ATP6V1H: variants seen among roughly 807,000 people sequenced by gnomAD.
ATP6V1H encodes ATPase H+ transporting V1 subunit H.
ATP6V1H carries 39 observed loss-of-function variants against 71.7 expected under a neutral mutation model. The observed-to-expected ratio is 0.54, with a 90% CI of 0.42 to 0.71. The LOEUF (loss-of-function observed/expected upper bound fraction) is 0.71, where lower values mean the gene tolerates loss of function less well. Ranked by LOEUF, ATP6V1H falls within the 30% of genes least tolerant of loss-of-function variation. The pLI is 0.00. For missense variants in ATP6V1H, 509 were observed against 594.9 expected (o/e 0.86, Z 1.50); for synonymous variants, 192 against 199.3 (o/e 0.96, Z 0.31).
At chr8:53,811,794 T>C (rs1810283105) in intron 6 of ATP6V1H, among the ~76,000 whole-genome samples, 2 of 152,210 alleles carry the variant, frequency 1.3e-5, no homozygotes, top group South Asian at 4.1e-4. Flanking sequence ...GTTAACTTTG[T>C]ATCATTCAAT....
chr8:53,725,790 C>T (rs1357507236), intron 13 of ATP6V1H, among the ~76,000 whole-genome samples: 4 of 151,948 alleles, frequency 2.6e-5, no homozygotes, highest in Non-Finnish European at 5.9e-5. Context: ...CAGACAAAAA[C>T]AGCTGGGAGA....
chr8:53,768,319 T>C (rs1387988479), intron 11 of ATP6V1H, among the ~76,000 whole-genome samples: 1 of 152,144 alleles, frequency 6.6e-6, no homozygotes, highest in Non-Finnish European at 1.5e-5. Context: ...ATCAGAACCC[T>C]CATTCACTGT....
intron 13 of ATP6V1H, among the ~76,000 whole-genome samples, chr8:53,733,646 G>A (rs1417584033): frequency 4.6e-5 from 7 of 152,180 alleles, no homozygotes; most frequent in Admixed American, 6.5e-5. Flanking sequence ...GCAACCTACC[G>A]GAGCCTAAGA....
chr8:53,772,915 A>C (rs1482164179), intron 9 of ATP6V1H, among the ~76,000 whole-genome samples: 3 of 151,552 alleles, frequency 2.0e-5, no homozygotes, highest in Non-Finnish European at 2.9e-5. Flanking sequence ...AAAAAAAAAA[A>C]AAAAAAACAA....
chr8:53,806,443 A>AG (rs1307376288), intron 7 of ATP6V1H, among the ~76,000 whole-genome samples: 1 of 152,060 alleles, frequency 6.6e-6, no homozygotes. Flanking sequence ...AGATAGTTTC[A>AG]CCAAAAAAAA....
intron 13 of ATP6V1H, among the ~76,000 whole-genome samples, chr8:53,716,936 G>C (rs1806445300): frequency 6.6e-6 from 1 of 152,240 alleles, no homozygotes; most frequent in Admixed American, 6.5e-5. Context: ...AAAAAAGCAT[G>C]AGTTTTGGAA....
At chr8:53,799,298 G>A (rs1320935597) in intron 8 of ATP6V1H, among the ~76,000 whole-genome samples, 1 of 151,896 alleles carries the variant, frequency 6.6e-6, no homozygotes, top group Non-Finnish European at 1.5e-5. Flanking sequence ...ATTATACTAA[G>A]AAATCAAAGA....
rs1281489988 is a variant in ATP6V1H, at chr8:53,777,426, G to T, written c.871-5259C>A. On this transcript the variant is annotated intron_variant, in intron 9 of 13. Coordinates refer to ENST00000359530, the MANE Select transcript of ATP6V1H (RefSeq NM_015941.4). ...TTGCTGAGAGAGAGCATTAAAAAAAGAGAGAGAAAAATAAAGGAGAGAGGT... is the reference window on the plus strand; with the variant it reads ...TTGCTGAGAGAGAGCATTAAAAAAATAGAGAGAAAAATAAAGGAGAGAGGT... Among the ~76,000 whole-genome samples, 8 of 151,674 alleles carry T rather than the reference G, an allele frequency of 5.3e-5. 1 individual carries two copies. In the South Asian group the frequency reaches 8.3e-4, roughly 16 times the overall value.
intron 4 of ATP6V1H, among the ~76,000 whole-genome samples, chr8:53,826,951 CA>C (rs112178508): frequency 6.0e-4 from 70 of 116,880 alleles, no homozygotes; most frequent in East Asian, 7.7e-4. Context: ...AATTCTGTCT[CA>C]AAAAAAAAAA....
chr8:53,771,767 G>A (rs886083477), intron 10 of ATP6V1H, among the ~76,000 whole-genome samples: 10 of 152,076 alleles, frequency 6.6e-5, no homozygotes, highest in African/African-American at 2.4e-4. Flanking sequence ...GAGTTTAGAC[G>A]GCAGAAAACA....
chr8:53,830,645 G>A lies in ATP6V1H; in HGVS notation c.217-1112C>T, dbSNP rs558218500. ...ATTTTGTTTGGATAAAAAGCTTCCT[G>A]GCAACTGCCCCATAAAAGGCCCATC... On this transcript the variant is annotated intron_variant, in intron 3 of 13. Coordinates refer to ENST00000359530, the MANE Select transcript of ATP6V1H (RefSeq NM_015941.4). Among the ~76,000 whole-genome samples the A allele has an allele frequency of 3.3e-4, 50 of 151,982 alleles. 1 individual carries two copies. The highest frequency in any genetic ancestry group is 1.1e-3 in the African/African-American group (47 of 41,454).
chr8:53,809,894 C>G (rs1473685985), intron 7 of ATP6V1H, among the ~76,000 whole-genome samples: 7 of 152,176 alleles, frequency 4.6e-5, no homozygotes, highest in African/African-American at 1.7e-4. Context: ...GATCGCGTAT[C>G]TAGTTCTATA....
intron 13 of ATP6V1H, among the ~76,000 whole-genome samples, chr8:53,732,765 G>A (rs1414710317): frequency 1.3e-5 from 2 of 152,016 alleles, no homozygotes; most frequent in Non-Finnish European, 2.9e-5. Flanking sequence ...TTTTGCAGGA[G>A]CCGCCAGAGG....
At chr8:53,767,212 G>T (rs1394279428) in intron 11 of ATP6V1H, among the ~76,000 whole-genome samples, 2 of 152,162 alleles carry the variant, frequency 1.3e-5, no homozygotes, top group Non-Finnish European at 2.9e-5. Context: ...TGCAAACTAT[G>T]TATGAATTTT....
chr8:53,731,651 C>T (rs869167550), intron 13 of ATP6V1H, among the ~76,000 whole-genome samples: 8 of 152,180 alleles, frequency 5.3e-5, no homozygotes, highest in African/African-American at 9.7e-5. Context: ...GGTTTTGGGA[C>T]GCAAGTCTGC....
At chr8:53,732,738 A>G (rs949610725) in intron 13 of ATP6V1H, among the ~76,000 whole-genome samples, 1 of 152,098 alleles carries the variant, frequency 6.6e-6, no homozygotes, top group African/African-American at 2.4e-5. Context: ...AATCCCAGAA[A>G]CAACAAGAGA....
intron 7 of ATP6V1H, among the ~76,000 whole-genome samples, chr8:53,802,186 A>C (rs141076972): frequency 1.1e-4 from 16 of 152,354 alleles, no homozygotes; most frequent in African/African-American, 3.8e-4. Flanking sequence ...ATAAATAAGC[A>C]CACTGCCTTG....
intron 7 of ATP6V1H, among the ~76,000 whole-genome samples, chr8:53,803,186 AAT>A (rs1183201080): frequency 1.2e-4 from 19 of 152,090 alleles, no homozygotes; most frequent in Admixed American, 1.2e-3. Flanking sequence ...AAAATACAAA[AAT>A]TAGCCAGGTG....
intron 9 of ATP6V1H, among the ~76,000 whole-genome samples, chr8:53,782,451 T>G (rs1809184842): frequency 6.6e-6 from 1 of 151,836 alleles, no homozygotes; most frequent in African/African-American, 2.4e-5. Context: ...GCTGAGACAA[T>G]GGGGTTTTCT....
Sources: gnomAD v4.1 joint callset for allele counts (sites outside exome capture counted in the v4.1 genomes callset) on GRCh38, gnomAD v4.1.1 for gene constraint, MANE v1.5 for transcripts, NCBI Gene and HGNC (gene_info 2026-07-23, HGNC 2026-07-21) for gene names.